LHFPL4: variants seen among roughly 807,000 people sequenced by gnomAD.
LHFPL4 encodes the protein LHFPL tetraspan subfamily member 4.
LHFPL4 carries 6 observed loss-of-function variants against 20.0 expected under a neutral mutation model. That is an observed-to-expected ratio of 0.30 (90% CI 0.16 to 0.59). The LOEUF (loss-of-function observed/expected upper bound fraction) is 0.59. Among genes scored for constraint, LHFPL4 ranks in the 20% least tolerant of loss-of-function variants. The probability of loss-of-function intolerance (pLI) is 0.88; values close to 1 mark genes in which losing one functional copy is unlikely to be tolerated. For synonymous variants in LHFPL4, 129 were observed against 143.8 expected (o/e 0.90, Z 0.74); for missense variants, 215 against 331.2 (o/e 0.65, Z 2.72).
At chr3:9,517,322 A>T (rs953536467) in intron 2 of LHFPL4, among the ~76,000 whole-genome samples, 5 of 152,068 alleles carry the variant, frequency 3.3e-5, no homozygotes, top group Non-Finnish European at 7.4e-5. Flanking sequence ...GAAAATAATG[A>T]GTCTTCCTAC....
intron 2 of LHFPL4, 84 bp downstream of exon 2, chr3:9,552,190 C>T (rs753341858): frequency 2.3e-5 from 34 of 1,502,848 alleles, no homozygotes; most frequent in Non-Finnish European, 2.7e-5. Context: ...AGAATCTATC[C>T]GACTCCTTCA....
At chr3:9,513,707 T>C (rs2046278248) in intron 2 of LHFPL4, among the ~76,000 whole-genome samples, 1 of 152,228 alleles carries the variant, frequency 6.6e-6, no homozygotes, top group African/African-American at 2.4e-5. Context: ...TGGCATAATG[T>C]TGTATTCTTT....
intron 2 of LHFPL4, among the ~76,000 whole-genome samples, chr3:9,513,708 T>G (rs762823373): frequency 6.6e-6 from 1 of 152,234 alleles, no homozygotes; most frequent in Non-Finnish European, 1.5e-5. Flanking sequence ...GGCATAATGT[T>G]GTATTCTTTT....
intron 2 of LHFPL4, among the ~76,000 whole-genome samples, chr3:9,528,660 G>C (rs1015115543): frequency 2.0e-5 from 3 of 152,154 alleles, no homozygotes; most frequent in African/African-American, 7.2e-5. Context: ...CTGTCGCCCA[G>C]GCTGTAATGC....
intron 2 of LHFPL4, among the ~76,000 whole-genome samples, chr3:9,542,806 CA>C (rs148495276): frequency 0.021 from 1,682 of 78,462 alleles, 11 homozygotes; most frequent in Middle Eastern, 0.035. Context: ...GGCCCTATCT[CA>C]AAAAAAAAAA....
chr3:9,514,901 C>T (rs538509563), intron 2 of LHFPL4, among the ~76,000 whole-genome samples: 1 of 152,272 alleles, frequency 6.6e-6, no homozygotes, highest in Non-Finnish European at 1.5e-5. Context: ...ATACATTCAC[C>T]TACTGAAGAA....
intron 2 of LHFPL4, among the ~76,000 whole-genome samples, chr3:9,532,944 A>G (rs1323857040): frequency 6.6e-6 from 1 of 152,212 alleles, no homozygotes; most frequent in African/African-American, 2.4e-5. Flanking sequence ...TGGGGGCAGA[A>G]GATTCTGCTG....
At chr3:9,533,863 A>G (rs2046427574) in intron 2 of LHFPL4, among the ~76,000 whole-genome samples, 1 of 151,890 alleles carries the variant, frequency 6.6e-6, no homozygotes, top group African/African-American at 2.4e-5. Flanking sequence ...CTTTTTTCAT[A>G]GTCATGTTCA....
At chr3:9,532,800 A>G (rs901216198) in intron 2 of LHFPL4, among the ~76,000 whole-genome samples, 1 of 151,374 alleles carries the variant, frequency 6.6e-6, no homozygotes, top group Non-Finnish European at 1.5e-5. Flanking sequence ...CCTTGAACAG[A>G]CTCTCCAGAG....
At chr3:9,544,800 A>G (rs1032170260) in intron 2 of LHFPL4, among the ~76,000 whole-genome samples, 4 of 152,114 alleles carry the variant, frequency 2.6e-5, no homozygotes, top group African/African-American at 9.7e-5. Flanking sequence ...GCCTGTGATC[A>G]TCCTGTTCCT....
intron 2 of LHFPL4, among the ~76,000 whole-genome samples, chr3:9,545,863 C>T (rs1217207369): frequency 6.6e-6 from 1 of 152,088 alleles, no homozygotes; most frequent in Non-Finnish European, 1.5e-5. Context: ...AAGCCATGAT[C>T]GCACCACTGC....
In LHFPL4 at chr3:9,502,311, T is replaced by C; in HGVS notation, c.644A>G (p.Asp215Gly). 6.3e-7 allele frequency: 1 copy of C among 1,598,392 alleles called. No homozygotes were observed. Among genetic ancestry groups the C allele is most frequent in the South Asian group, 1.1e-5 (1 of 90,668 alleles). ...LQEELKPENK[D>G]FVGSTVSSVL... ...GGAGCTTACTGTAGAGCCCACAAAA[T>C]CTAAGAGAGAGAGAGAGAGAGAGAA... Residue 215 changes from aspartate to glycine, a missense_variant and splice_region_variant, in exon 4 of 4, where the codon GAT becomes GGT. Physicochemically the swap from Asp to Gly is moderately conservative, Grantham distance 94 (BLOSUM62 -1). Coordinates refer to ENST00000287585, the MANE Select transcript of LHFPL4 (RefSeq NM_198560.3).
chr3:9,530,678 A>G (rs549561421), intron 2 of LHFPL4, among the ~76,000 whole-genome samples: 2 of 151,560 alleles, frequency 1.3e-5, no homozygotes, highest in South Asian at 2.1e-4. Context: ...AACTTGCACA[A>G]GAGCCCTCAC....
At chr3:9,532,305 A>C (rs540254379) in intron 2 of LHFPL4, among the ~76,000 whole-genome samples, 2 of 152,040 alleles carry the variant, frequency 1.3e-5, no homozygotes, top group Non-Finnish European at 2.9e-5. Context: ...CTGGGATTAC[A>C]GGCATGAGCC....
intron 2 of LHFPL4, among the ~76,000 whole-genome samples, chr3:9,549,865 A>T (rs573998359): frequency 1.3e-5 from 2 of 152,132 alleles, no homozygotes; most frequent in African/African-American, 4.8e-5. Context: ...GGATCCCCAC[A>T]GGGCTGAAAG....
chr3:9,526,960 G>A (rs1294805498), intron 2 of LHFPL4, among the ~76,000 whole-genome samples: 1 of 151,430 alleles, frequency 6.6e-6, no homozygotes, highest in Non-Finnish European at 1.5e-5. Context: ...GAAAAAAAAA[G>A]GTTAAAATGG....
chr3:9,531,080 C>T (rs572255434), intron 2 of LHFPL4, among the ~76,000 whole-genome samples: 109 of 152,282 alleles, frequency 7.2e-4, no homozygotes, highest in Non-Finnish European at 1.3e-3. Context: ...AATCAAAATA[C>T]GCACATTTAT....
At position 9,548,759 on chromosome 3, in the gene LHFPL4, G is replaced by A. The variant is rs1360113760; in HGVS notation, c.406+3515C>T. 3.9e-5 allele frequency among the ~76,000 whole-genome samples: 6 copies of A among 152,312 alleles called. No homozygotes were observed. In the East Asian group the frequency reaches 1.2e-3, roughly 29 times the overall value. ...CTATCAGTCCATGTGTGGTTCCAGG[G>A]ATAGGCATGTGGCTCGGGCCTTAGA... On this transcript the variant is annotated intron_variant, in intron 2 of 3. Coordinates refer to ENST00000287585, the MANE Select transcript of LHFPL4 (RefSeq NM_198560.3).
intron 2 of LHFPL4, among the ~76,000 whole-genome samples, chr3:9,509,024 C>G (rs946904473): frequency 1.3e-5 from 2 of 152,236 alleles, no homozygotes; most frequent in Non-Finnish European, 2.9e-5. Context: ...GGAGCATCCC[C>G]GTCTCCGTGG....
Sources: allele counts gnomAD v4.1 joint callset (sites outside exome capture counted in the v4.1 genomes callset), GRCh38; gene constraint gnomAD v4.1.1; transcripts MANE v1.5; gene names NCBI Gene and HGNC (gene_info 2026-07-23, HGNC 2026-07-21).